Variants in SH3D19 observed in about 807,000 individuals in gnomAD.
The protein encoded by SH3D19 is SH3 domain-containing protein 19.
A neutral mutation model predicts 112.1 loss-of-function variants in SH3D19; 58 were observed. That is an observed-to-expected ratio of 0.52 (90% confidence interval 0.42 to 0.64). The LOEUF is 0.64. SH3D19 is among the 30% of genes least tolerant of loss of function. The pLI, the probability that SH3D19 is intolerant of heterozygous loss-of-function variation, is 0.00. For synonymous variants in SH3D19, 391 were observed against 448.5 expected (o/e 0.87, Z 1.62); for missense variants, 1,090 against 1,263.4 (o/e 0.86, Z 2.08).
chr4:151,290,869 TCTC>T (rs1177573134), intron 1 of SH3D19, among the ~76,000 whole-genome samples: 2 of 152,192 alleles, frequency 1.3e-5, no homozygotes, highest in Non-Finnish European at 2.9e-5. Context: ...TAGTTTTATT[TCTC>T]TTTTTATCAC....
intron 1 of SH3D19, among the ~76,000 whole-genome samples, chr4:151,261,999 C>T (rs1432079578): frequency 6.6e-6 from 1 of 152,124 alleles, no homozygotes; most frequent in Non-Finnish European, 1.5e-5. Context: ...AGATCTACCC[C>T]TTATTTCTAT....
At chr4:151,203,511 A>G (rs74338059) in intron 2 of SH3D19, among the ~76,000 whole-genome samples, 43 of 152,326 alleles carry the variant, frequency 2.8e-4, no homozygotes, top group African/African-American at 1.0e-3. Flanking sequence ...TGATAACCTC[A>G]TGATTACGGA....
At chr4:151,283,698 T>C (rs1774472125) in intron 1 of SH3D19, among the ~76,000 whole-genome samples, 1 of 151,810 alleles carries the variant, frequency 6.6e-6, no homozygotes, top group Non-Finnish European at 1.5e-5. Context: ...ACTTTTTTCA[T>C]TTTTTTGTAG....
At chr4:151,210,477 C>A (rs1383389219) in intron 2 of SH3D19, among the ~76,000 whole-genome samples, 1 of 149,476 alleles carries the variant, frequency 6.7e-6, no homozygotes, top group Non-Finnish European at 1.5e-5. Context: ...TCTCAGCTTA[C>A]TGCAAGCTCC....
chr4:151,142,213 G>T (rs1415193655), intron 12 of SH3D19, among the ~76,000 whole-genome samples: 2 of 152,078 alleles, frequency 1.3e-5, no homozygotes, highest in Non-Finnish European at 2.9e-5. Context: ...TTAGCTCAAT[G>T]AATTTGTTAA....
Position 151,157,182 on chromosome 4 carries a change from G to C in SH3D19, c.1755+2058C>G, listed in dbSNP as rs762617852. Among the ~76,000 whole-genome samples, 7 of 151,576 alleles carry C rather than the reference G, an allele frequency of 4.6e-5. No homozygotes were observed. In the Middle Eastern group the frequency reaches 0.014, roughly 295 times the overall value. Reference sequence around the variant, plus strand: ...TGGGAGGATCACCTGAGCCCAGGAGGTCAAGGCTGCAGTGAGCTGTGATCA... The same window carrying C: ...TGGGAGGATCACCTGAGCCCAGGAGCTCAAGGCTGCAGTGAGCTGTGATCA... On this transcript the variant is annotated intron_variant, in intron 9 of 19. Transcript: ENST00000604030.
intron 2 of SH3D19, among the ~76,000 whole-genome samples, chr4:151,220,029 T>C (rs1328521030): frequency 6.6e-6 from 1 of 152,244 alleles, no homozygotes; most frequent in African/African-American, 2.4e-5. Flanking sequence ...ACATACCAGC[T>C]TTCCCTCATT....
intron 1 of SH3D19, among the ~76,000 whole-genome samples, chr4:151,274,900 G>T (rs6832423): frequency 0.032 from 4,861 of 152,184 alleles, 272 homozygotes; most frequent in African/African-American, 0.11. Context: ...GGCACCCTAG[G>T]CTTGTAAATA....
At chr4:151,267,714 TA>T (rs1465843507) in intron 1 of SH3D19, among the ~76,000 whole-genome samples, 1 of 152,106 alleles carries the variant, frequency 6.6e-6, no homozygotes, top group Non-Finnish European at 1.5e-5. Flanking sequence ...GAGAAGTGAA[TA>T]AACATAAAAA....
chr4:151,248,336 AG>A (rs1771101573), intron 1 of SH3D19, among the ~76,000 whole-genome samples: 1 of 151,124 alleles, frequency 6.6e-6, no homozygotes, highest in Admixed American at 6.6e-5. Flanking sequence ...AAATGAACAA[AG>A]TGTTTTACCC....
At chr4:151,234,766 T>TTTTTTTTTG (rs374882479) in intron 1 of SH3D19, among the ~76,000 whole-genome samples, 2 of 87,158 alleles carry the variant, frequency 2.3e-5, no homozygotes, top group African/African-American at 1.0e-4. Flanking sequence ...TTTTTTTTTT[T>TTTTTTTTTG]AGACAGGGGC....
intron 1 of SH3D19, among the ~76,000 whole-genome samples, chr4:151,254,949 G>A (rs1476018963): frequency 6.7e-6 from 1 of 150,192 alleles, no homozygotes; most frequent in Non-Finnish European, 1.5e-5. Context: ...CAGGCGGGGG[G>A]CTGACGCCCC....
chr4:151,313,470 G>A lies in SH3D19; in HGVS notation c.112+11771C>T, dbSNP rs1256825769. 2.0e-5 allele frequency among the ~76,000 whole-genome samples: 3 copies of A among 151,936 alleles called. No individual in the cohort carries two copies. The East Asian group carries it at 5.8e-4, about 29-fold the overall frequency. Reference sequence around the variant, plus strand: ...CTCACTCTGTCACCCAGGCTGGAGTGCAGTGGTGCAATCATGACTCACTGC... The same window carrying A: ...CTCACTCTGTCACCCAGGCTGGAGTACAGTGGTGCAATCATGACTCACTGC... On this transcript the variant is annotated intron_variant, in intron 1 of 19. Transcript: ENST00000604030.
chr4:151,321,099 T>C (rs1730489068), intron 1 of SH3D19, among the ~76,000 whole-genome samples: 1 of 152,160 alleles, frequency 6.6e-6, no homozygotes, highest in African/African-American at 2.4e-5. Context: ...ACAAACTTAA[T>C]GTTGAGTGAA....
intron 6 of SH3D19, 149 bp from the exon 7 acceptor site, chr4:151,175,823 T>A: frequency 1.5e-6 from 1 of 673,676 alleles, no homozygotes; most frequent in Non-Finnish European, 2.1e-6. Context: ...AAAAAGTGAT[T>A]CAAAAATGGA....
At chr4:151,238,755 T>G (rs1231867769) in intron 1 of SH3D19, among the ~76,000 whole-genome samples, 1 of 151,874 alleles carries the variant, frequency 6.6e-6, no homozygotes, top group Non-Finnish European at 1.5e-5. Flanking sequence ...CACTCTACAT[T>G]AGAGTGAAAA....
chr4:151,284,291 A>T (rs1378970361), intron 1 of SH3D19, among the ~76,000 whole-genome samples: 1 of 152,124 alleles, frequency 6.6e-6, no homozygotes, highest in Non-Finnish European at 1.5e-5. Flanking sequence ...CAAATTGGAT[A>T]TTTTTAAATT....
At chr4:151,282,562 A>G (rs1580399050) in intron 1 of SH3D19, 2 of 831,806 alleles carry the variant, frequency 2.4e-6, no homozygotes, top group East Asian at 2.7e-5. Flanking sequence ...TTTAAATAAA[A>G]TATCTTTTTT....
chr4:151,255,838 A>T (rs987545426), intron 1 of SH3D19, among the ~76,000 whole-genome samples: 2 of 152,238 alleles, frequency 1.3e-5, no homozygotes, highest in Non-Finnish European at 2.9e-5. Context: ...CGGCCTGGCC[A>T]ACACAGCGAA....
Sources: allele counts gnomAD v4.1 joint callset (sites outside exome capture counted in the v4.1 genomes callset), GRCh38; gene constraint gnomAD v4.1.1; transcripts MANE v1.5; gene names NCBI Gene and HGNC (gene_info 2026-07-23, HGNC 2026-07-21).